SMG1: variants seen among roughly 807,000 people sequenced by gnomAD.
SMG1 encodes the protein SMG1 nonsense mediated mRNA decay associated PI3K related kinase, also known as serine/threonine-protein kinase SMG1.
A neutral mutation model predicts 419.9 loss-of-function variants in SMG1; 22 were observed. The observed-to-expected ratio is 0.05, with a 90% CI of 0.04 to 0.07. SMG1 has a LOEUF of 0.07. SMG1 is among the 10% of genes least tolerant of loss of function. The pLI, the probability that SMG1 is intolerant of heterozygous loss-of-function variation, is 1.00. For synonymous variants in SMG1, 1,538 were observed against 1,553.5 expected, an observed-to-expected ratio of 0.99 and a Z score of 0.23; for missense variants, 3,185 against 4,342.0, an observed-to-expected ratio of 0.73 and a Z score of 7.49.
intron 8 of SMG1, 125 bp from the exon 9 acceptor site, chr16:18,884,292 A>G (rs1347902139): frequency 6.2e-6 from 3 of 485,988 alleles, no homozygotes; most frequent in Admixed American, 3.9e-5. Context: ...ACCCTAAAAC[A>G]TGTCCTATAT....
intron 39 of SMG1, among the ~76,000 whole-genome samples, chr16:18,843,352 C>A (rs951378598): frequency 6.6e-6 from 1 of 152,196 alleles, no homozygotes; most frequent in African/African-American, 2.4e-5. Flanking sequence ...TTAGGTCTGA[C>A]CACTTGAGGT....
chr16:18,920,358 G>A (rs1260694935), intron 1 of SMG1, among the ~76,000 whole-genome samples: 2 of 142,566 alleles, frequency 1.4e-5, no homozygotes, highest in African/African-American at 2.6e-5. Flanking sequence ...CTCCAGCCTG[G>A]ACAACAAGAG....
At position 18,853,851 on chromosome 16, in the gene SMG1, T is replaced by C; in HGVS notation, c.4500A>G (p.Ala1500=). The C allele has an allele frequency of 6.2e-7, 1 of 1,611,238 alleles. No homozygotes were observed. The highest frequency in any genetic ancestry group is 8.5e-7 in the Non-Finnish European group (1 of 1,178,184). The part of the protein sequence containing the change: ...LLYTAGQSTH[A]MEMLSSCAIS... ...TGGCACAAGAACTCAACATTTCCATTGCATGTGTTGACTGGCCTACAGAAA... is the reference window on the plus strand; with the variant it reads ...TGGCACAAGAACTCAACATTTCCATCGCATGTGTTGACTGGCCTACAGAAA... The change falls in exon 31 of 63, where the codon GCA becomes GCG. Residue 1500 remains alanine, a synonymous_variant. Transcript: ENST00000446231.
At position 18,926,123 on chromosome 16, in the gene SMG1, C is replaced by T. The variant is rs2038396090; in HGVS notation, c.-82G>A. The T allele has an allele frequency of 2.0e-5, 25 of 1,267,396 alleles. No individual in the cohort carries two copies. Among genetic ancestry groups the T allele is most frequent in the Non-Finnish European group, 2.7e-5 (25 of 938,378 alleles). 78.5% of individuals were successfully genotyped at this position (1,267,396 alleles called of 1,614,324 possible). On this transcript the variant is annotated 5_prime_UTR_variant, in exon 1 of 63. Transcript: ENST00000446231. ...GCCCGAACCGGCCGCCGCCGACACC[C>T]CGCTCCGGCCCGGGGCTGAGGAGGA...
intron 3 of SMG1, among the ~76,000 whole-genome samples, chr16:18,893,968 A>T (rs2037000293): frequency 6.6e-6 from 1 of 151,722 alleles, no homozygotes; most frequent in East Asian, 1.9e-4. Flanking sequence ...GAGGCAGGAG[A>T]ATCATTTTAA....
At position 18,829,882 on chromosome 16, in the gene SMG1, G is replaced by A. The variant is rs553015337; in HGVS notation, c.9133+44C>T. 49 of 1,472,640 alleles carry A rather than the reference G, an allele frequency of 3.3e-5. No individual in the cohort carries two copies. In the South Asian group the frequency reaches 3.9e-4, roughly 12 times the overall value. 91.2% of individuals were successfully genotyped at this position (1,472,640 alleles called of 1,614,324 possible). ...CTACTCTATCCTGCCCCCTTCCATA[G>A]TGCTACATAGCTAAAGCTAGTATGT... On this transcript the variant is annotated intron_variant, in intron 53 of 62. Transcript: ENST00000446231.
chr16:18,836,608 G>C (rs1450495911), intron 46 of SMG1, 76 bp from the exon 47 acceptor site: 1 of 1,452,916 alleles, frequency 6.9e-7, no homozygotes, highest in Admixed American at 1.7e-5. Flanking sequence ...CCTGGAATGT[G>C]CTCACACATG....
intron 48 of SMG1, among the ~76,000 whole-genome samples, chr16:18,835,681 A>C (rs2033515921): frequency 6.6e-6 from 1 of 152,166 alleles, no homozygotes; most frequent in Non-Finnish European, 1.5e-5. Flanking sequence ...CCAGGCAGGC[A>C]GATCACGTGG....
At chr16:18,867,929 C>G (rs1434037931) in intron 22 of SMG1, among the ~76,000 whole-genome samples, 1 of 151,822 alleles carries the variant, frequency 6.6e-6, no homozygotes, top group Non-Finnish European at 1.5e-5. Context: ...AGGATGGTCT[C>G]GATCTCCTGA....
intron 6 of SMG1, among the ~76,000 whole-genome samples, chr16:18,887,762 T>TAAAAAAAAAAAAAAAAAAAAAAAAAAAAA (rs57393561): frequency 2.6e-5 from 1 of 38,286 alleles, no homozygotes; most frequent in Non-Finnish European, 4.2e-5. Flanking sequence ...TCAAAAACAG[T>TAAAAAAAAAAAAAAAAAAAAAAAAAAAAA]AAAAAAAAAA....
At chr16:18,884,969 A>G in intron 8 of SMG1, 121 bp downstream of exon 8, 1 of 649,834 alleles carries the variant, frequency 1.5e-6, no homozygotes, top group East Asian at 2.8e-5. Flanking sequence ...TTTACAATAA[A>G]ACATTTCTCT....
At chr16:18,919,293 T>G (rs1464939849) in intron 1 of SMG1, among the ~76,000 whole-genome samples, 1 of 149,608 alleles carries the variant, frequency 6.7e-6, no homozygotes, top group East Asian at 2.0e-4. Context: ...CACCAGTGCA[T>G]TTCAGCCTGG....
chr16:18,866,843 A>T (rs2035538686), intron 22 of SMG1, 68 bp from the exon 23 acceptor site: 7 of 1,386,442 alleles, frequency 5.0e-6, no homozygotes, highest in Non-Finnish European at 7.1e-6. Flanking sequence ...AAAATTTACA[A>T]CTGATCAGTC....
rs2030931433 is a variant in SMG1 at position 18,807,331 on chromosome 16, G to GTTAC, written c.*2237_*2238insGTAA. ...AAGACTTTAATCTTGAGAGAGCAGA[G>GTTAC]GTAATGTGATGAATGTAATTTGCTC... On this transcript the variant is annotated 3_prime_UTR_variant, in exon 63 of 63. Transcript: ENST00000446231. 6.6e-6 allele frequency: 1 copy of GTTAC among 152,148 alleles called. No homozygotes were observed. The highest frequency in any genetic ancestry group is 6.5e-5 in the Admixed American group (1 of 15,286). 9.4% of individuals were successfully genotyped at this position (152,148 alleles called of 1,614,324 possible). A position where few individuals can be genotyped will look rare whatever the true frequency, so the allele number is the denominator to read the frequency against.
In SMG1 at chr16:18,833,178, T is replaced by A. The variant is rs377075679; in HGVS notation, c.8566-12A>T. ...TTCGAATTCAATTCCTATAAATATATGAGAAAAAAACTTTTAATGTTTTTT... is the reference window on the plus strand; with the variant it reads ...TTCGAATTCAATTCCTATAAATATAAGAGAAAAAAACTTTTAATGTTTTTT... On this transcript the variant is annotated splice_polypyrimidine_tract_variant and intron_variant, in intron 50 of 62. Transcript: ENST00000446231. The A allele has an allele frequency of 6.2e-7, 1 of 1,607,296 alleles. No individual in the cohort carries two copies. The highest frequency in any genetic ancestry group is 8.5e-7 in the Non-Finnish European group (1 of 1,175,364).
At chr16:18,905,216 G>A (rs753568426) in intron 1 of SMG1, among the ~76,000 whole-genome samples, 3 of 152,164 alleles carry the variant, frequency 2.0e-5, no homozygotes, top group Admixed American at 1.3e-4. Flanking sequence ...AGCTGAGGTC[G>A]CGCCATTGCA....
chr16:18,903,622 T>G (rs1346557620), intron 1 of SMG1, among the ~76,000 whole-genome samples: 1 of 152,194 alleles, frequency 6.6e-6, no homozygotes, highest in Non-Finnish European at 1.5e-5. Context: ...TTACATACGT[T>G]TATCATGTCA....
intron 1 of SMG1, among the ~76,000 whole-genome samples, chr16:18,903,623 TATC>T (rs1200509354): frequency 6.6e-6 from 1 of 152,218 alleles, no homozygotes; most frequent in African/African-American, 2.4e-5. Context: ...TACATACGTT[TATC>T]ATGTCATTTC....
intron 23 of SMG1, 91 bp from the exon 24 acceptor site, chr16:18,864,235 GC>G: frequency 1.8e-6 from 2 of 1,124,850 alleles, no homozygotes; most frequent in Non-Finnish European, 2.3e-6. Flanking sequence ...TGCTCTTCTT[GC>G]CCAGGCTGGA....
Sources: gnomAD v4.1 joint callset for allele counts (sites outside exome capture counted in the v4.1 genomes callset) on GRCh38, gnomAD v4.1.1 for gene constraint, MANE v1.5 for transcripts, NCBI Gene and HGNC (gene_info 2026-07-23, HGNC 2026-07-21) for gene names.